DENND10: variants seen among roughly 807,000 people sequenced by gnomAD.
DENND10 encodes DENN domain-containing protein 10.
A neutral mutation model predicts 43.6 loss-of-function variants in DENND10; 24 were observed. The observed-to-expected ratio is 0.55, with a 90% CI of 0.40 to 0.77. The LOEUF is 0.77. Ranked by LOEUF, DENND10 falls within the 30% of genes least tolerant of loss-of-function variation. DENND10 has a pLI of 0.00. For synonymous variants in DENND10, 125 were observed against 157.6 expected (o/e 0.79, Z 1.55); for missense variants, 303 against 429.9 (o/e 0.70, Z 2.61).
intron 3 of DENND10, chr10:119,114,555 G>A (rs7906373): frequency 0.39 from 58,713 of 152,094 alleles, 11,521 homozygotes; most frequent in Non-Finnish European, 0.4. Flanking sequence ...ATGCACACTT[G>A]CAGTCAGCTG....
intron 8 of DENND10, 87 bp from the exon 9 acceptor site, chr10:119,136,384 T>C: frequency 1.4e-6 from 2 of 1,467,104 alleles, no homozygotes; most frequent in South Asian, 1.3e-5. Context: ...TTATAAACAG[T>C]CTGGAAAAAA....
In DENND10 at chr10:119,137,458, G is replaced by A. The variant is rs1360575068; in HGVS notation, c.*811G>A. ...CCTTATATTATTGCTAAGGGAATATGAGATTAACTTCCTACAGGGGCCAAA... is the reference window on the plus strand; with the variant it reads ...CCTTATATTATTGCTAAGGGAATATAAGATTAACTTCCTACAGGGGCCAAA... On this transcript the variant is annotated 3_prime_UTR_variant, in exon 9 of 9. Transcript: ENST00000361432. 2 of 166,564 alleles carry A rather than the reference G, an allele frequency of 1.2e-5. No homozygotes were observed. Among genetic ancestry groups the A allele is most frequent in the African/African-American group, 2.4e-5 (1 of 41,286 alleles). The allele number at this position is 166,564 out of a possible 1,614,324, so 10.3% of individuals were successfully genotyped here.
intron 6 of DENND10, among the ~76,000 whole-genome samples, chr10:119,124,193 C>CA (rs200369563): frequency 0.011 from 1,200 of 113,154 alleles, 17 homozygotes; most frequent in African/African-American, 0.031. Context: ...AACTCCGTCT[C>CA]AAAAAAAAAA....
chr10:119,129,665 C>A, intron 7 of DENND10, 43 bp downstream of exon 7: 1 of 1,391,028 alleles, frequency 7.2e-7, no homozygotes, highest in South Asian at 1.2e-5. Flanking sequence ...ATAAGCCAAA[C>A]AGTTGTACAT....
intron 5 of DENND10, 97 bp downstream of exon 5, chr10:119,120,549 T>A (rs1845522713): frequency 1.3e-6 from 1 of 778,634 alleles, no homozygotes; most frequent in African/African-American, 1.7e-5. Context: ...ACATTTGCTA[T>A]AAATAGCATG....
chr10:119,129,500 A>T lies in DENND10; in HGVS notation c.695-15A>T. 6.3e-7 allele frequency: 1 copy of T among 1,583,130 alleles called. No individual in the cohort carries two copies. Among genetic ancestry groups the T allele is most frequent in the Non-Finnish European group, 8.7e-7 (1 of 1,151,780 alleles). On this transcript the variant is annotated splice_polypyrimidine_tract_variant and intron_variant, in intron 6 of 8. Transcript: ENST00000361432. ...TCTTCCTACTCCAGTAAGGTTGCTC[A>T]TGTTTGTGATGCAGGTTACGTCGCT...
chr10:119,132,864 G>GT lies in DENND10; in HGVS notation c.897+256dup, dbSNP rs3839937. On this transcript the variant is annotated intron_variant, in intron 8 of 8. Transcript: ENST00000361432. The surrounding 1 kb of genome is among the most constrained non-coding windows in gnomAD (Gnocchi z 4.2). ...ACACCGACCGCTGGCAATGAGAAAT[G>GT]TAACTACCAAGTGGTCTGGAAGGCT... 0.017 allele frequency: 7,619 copies of GT among 459,802 alleles called. 495 individuals carry two copies. In the East Asian group the frequency reaches 0.17, roughly 10 times the overall value. 28.5% of individuals were successfully genotyped at this position (459,802 alleles called of 1,614,324 possible). A position where few individuals can be genotyped will look rare whatever the true frequency, so the allele number is the denominator to read the frequency against.
chr10:119,108,481 CAAAAAA>C (rs371995219), intron 2 of DENND10, among the ~76,000 whole-genome samples: 1 of 98,964 alleles, frequency 1.0e-5, no homozygotes, highest in Non-Finnish European at 2.2e-5. Context: ...GACTCCGTCT[CAAAAAA>C]AAAAAAAAAA....
intron 3 of DENND10, chr10:119,114,654 T>G (rs865986785): frequency 5.3e-5 from 8 of 152,324 alleles, no homozygotes; most frequent in Admixed American, 1.3e-4. Flanking sequence ...GGAGTGGTTT[T>G]GGGGGGATTT....
intron 2 of DENND10, among the ~76,000 whole-genome samples, chr10:119,108,940 C>T (rs1322466214): frequency 7.1e-5 from 2 of 28,076 alleles, no homozygotes; most frequent in South Asian, 2.5e-3. Flanking sequence ...GCAGGCCGAG[C>T]GTGTTGGCTC....
chr10:119,113,146 C>T (rs187043337), intron 3 of DENND10, among the ~76,000 whole-genome samples: 1 of 150,848 alleles, frequency 6.6e-6, no homozygotes, highest in South Asian at 2.1e-4. Flanking sequence ...CCACCGCACC[C>T]TGCCTTGCAG....
chr10:119,129,483 C>T (rs758975868), intron 6 of DENND10, 32 bp from the exon 7 acceptor site: 2 of 1,432,630 alleles, frequency 1.4e-6, no homozygotes, highest in Non-Finnish European at 2.0e-6. Flanking sequence ...TTTCTTCCTA[C>T]TCCAGTAAGG....
chr10:119,135,816 A>AAAAAAAAAAAAC (rs869244867), intron 8 of DENND10, among the ~76,000 whole-genome samples: 1 of 127,588 alleles, frequency 7.8e-6, no homozygotes, highest in East Asian at 2.3e-4. Flanking sequence ...AAAAAAAAAA[A>AAAAAAAAAAAAC]CCAAAACCAC....
In DENND10 at chr10:119,104,130, G is replaced by C. The variant is rs1210653175; in HGVS notation, c.-13G>C. The C allele has an allele frequency of 1.3e-6, 2 of 1,505,086 alleles. No individual in the cohort carries two copies. Among genetic ancestry groups the C allele is most frequent in the South Asian group, 2.5e-5 (2 of 79,432 alleles). The allele number at this position is 1,505,086 out of a possible 1,614,324, so 93.2% of individuals were successfully genotyped here. A position where few individuals can be genotyped will look rare whatever the true frequency, so the allele number is the denominator to read the frequency against. The stretch of plus-strand genomic sequence containing the variant: ...CAGGCGGCAGCCAGAGCTGCGCGCC[G>C]CGGCGGCGGAAGATGGCTGCGGCCG... On this transcript the variant is annotated 5_prime_UTR_variant, in exon 1 of 9. Coordinates refer to ENST00000361432, the MANE Select transcript of DENND10 (RefSeq NM_207009.4).
intron 2 of DENND10, among the ~76,000 whole-genome samples, chr10:119,110,645 C>T (rs1006856042): frequency 8.6e-5 from 13 of 151,946 alleles, no homozygotes; most frequent in Non-Finnish European, 1.8e-4. Context: ...TTAGTTGAGA[C>T]AGGGTTTCAC....
intron 6 of DENND10, 169 bp from the exon 7 acceptor site, chr10:119,129,346 G>T: frequency 1.7e-6 from 1 of 595,826 alleles, no homozygotes; most frequent in Non-Finnish European, 3.0e-6. Context: ...AATATCTTCA[G>T]GCAACTGATA....
chr10:119,120,736 A>G (rs1250415721), intron 5 of DENND10, among the ~76,000 whole-genome samples: 2 of 152,204 alleles, frequency 1.3e-5, no homozygotes, highest in African/African-American at 2.4e-5. Flanking sequence ...TCAACTGCCT[A>G]GGTAGCACAA....
intron 6 of DENND10, among the ~76,000 whole-genome samples, chr10:119,126,476 CTTTT>C: frequency 9.7e-6 from 1 of 103,182 alleles, no homozygotes; most frequent in Non-Finnish European, 2.2e-5. Context: ...TATTGCCTGT[CTTTT>C]TTGAGACAGA....
intron 6 of DENND10, among the ~76,000 whole-genome samples, chr10:119,124,661 G>A (rs978169578): frequency 1.3e-5 from 2 of 152,084 alleles, no homozygotes; most frequent in African/African-American, 4.8e-5. Context: ...TGGGATTACA[G>A]GTGTCAGCTG....
Sources: allele counts gnomAD v4.1 joint callset (sites outside exome capture counted in the v4.1 genomes callset), GRCh38; gene constraint gnomAD v4.1.1; non-coding constraint Gnocchi (gnomAD v3.1); transcripts MANE v1.5; gene names NCBI Gene and HGNC (gene_info 2026-07-23, HGNC 2026-07-21).